Variants in ASPRV1 observed in about 807,000 individuals in gnomAD.
The protein encoded by ASPRV1 is retroviral-like aspartic protease 1.
A neutral mutation model predicts 11.0 loss-of-function variants in ASPRV1; 7 were observed. That is an observed-to-expected ratio of 0.64 (90% confidence interval 0.36 to 1.20). The LOEUF is 1.20. ASPRV1 is among the 50% of genes most tolerant of loss of function. ASPRV1 has a pLI of 0.02. For missense variants in ASPRV1, 299 were observed against 320.0 expected, an observed-to-expected ratio of 0.93 and a Z score of 0.50; for synonymous variants, 136 against 138.4, an observed-to-expected ratio of 0.98 and a Z score of 0.12.
At chr2:69,971,382 C>G in the ASPRV1 span, 1 of 152,016 alleles carries the variant, frequency 6.6e-6, no homozygotes, top group Non-Finnish European at 1.5e-5. Context: ...TGATCCCCAC[C>G]CACCATTTGG....
At chr2:70,030,817 A>G in the ASPRV1 span, 1 of 152,210 alleles carries the variant, frequency 6.6e-6, no homozygotes, top group African/African-American at 2.4e-5. Context: ...CCTAACCCCA[A>G]TAATCAAGGA....
chr2:70,082,258 G>A, the ASPRV1 span, among the ~76,000 whole-genome samples: 1 of 151,828 alleles, frequency 6.6e-6, no homozygotes. Flanking sequence ...CACAGTACTT[G>A]GCCAGTACGG....
At chr2:70,052,280 T>C in the ASPRV1 span, among the ~76,000 whole-genome samples, 15 of 152,136 alleles carry the variant, frequency 9.9e-5, no homozygotes, top group African/African-American at 3.4e-4. Flanking sequence ...TAGAGAATAA[T>C]AGCAGTATTA....
chr2:70,029,293 C>G, the ASPRV1 span, among the ~76,000 whole-genome samples: 1 of 152,066 alleles, frequency 6.6e-6, no homozygotes, highest in African/African-American at 2.4e-5. Flanking sequence ...GACTACCATT[C>G]CAGCAAGAGA....
the ASPRV1 span, chr2:70,030,344 G>A: frequency 1.3e-5 from 2 of 152,336 alleles, no homozygotes; most frequent in Non-Finnish European, 2.9e-5. Context: ...AGTGCTGAAG[G>A]AGTGAGCTTC....
chr2:69,976,992 G>C, the ASPRV1 span, among the ~76,000 whole-genome samples: 1 of 152,048 alleles, frequency 6.6e-6, no homozygotes, highest in African/African-American at 2.4e-5. Flanking sequence ...AGGAGTTCGA[G>C]ACCAGCCTGG....
chr2:70,086,276 G>A, the ASPRV1 span: 1 of 152,190 alleles, frequency 6.6e-6, no homozygotes, highest in African/African-American at 2.4e-5. Flanking sequence ...TTGTGTTCAG[G>A]AAACATGGCG....
chr2:69,988,574 G>A, the ASPRV1 span: 1 of 341,242 alleles, frequency 2.9e-6, no homozygotes, highest in East Asian at 7.6e-5. Context: ...TTCAGTGTGG[G>A]AAGATGAAGA....
chr2:69,936,946 C>G, the ASPRV1 span: 1 of 545,252 alleles, frequency 1.8e-6, no homozygotes, highest in South Asian at 1.5e-5. Context: ...TGCCTGCAGT[C>G]TTTCTGATAC....
At chr2:70,073,863 G>C in the ASPRV1 span, among the ~76,000 whole-genome samples, 1 of 152,172 alleles carries the variant, frequency 6.6e-6, no homozygotes, top group South Asian at 2.1e-4. Context: ...GCCAGGTGCG[G>C]TGACTCACAC....
At chr2:69,991,114 A>G in the ASPRV1 span, among the ~76,000 whole-genome samples, 1 of 152,064 alleles carries the variant, frequency 6.6e-6, no homozygotes, top group African/African-American at 2.4e-5. Flanking sequence ...CTGCATCGTC[A>G]CCACTGCTCT....
At chr2:70,051,789 C>T in the ASPRV1 span, among the ~76,000 whole-genome samples, 2 of 151,940 alleles carry the variant, frequency 1.3e-5, no homozygotes. Flanking sequence ...GACTGGGCAA[C>T]ACATTGAGAC....
chr2:69,942,311 T>C, the ASPRV1 span: 1 of 152,204 alleles, frequency 6.6e-6, no homozygotes. Flanking sequence ...TGCTTTGCTT[T>C]CAAAGATAAC....
chr2:69,979,280 G>A, the ASPRV1 span, among the ~76,000 whole-genome samples: 7 of 152,188 alleles, frequency 4.6e-5, no homozygotes, highest in Admixed American at 2.6e-4. Context: ...TGATCCACCC[G>A]CCTCGGCCTC....
the ASPRV1 span, among the ~76,000 whole-genome samples, chr2:70,083,098 C>T: frequency 6.6e-6 from 1 of 152,074 alleles, no homozygotes; most frequent in Non-Finnish European, 1.5e-5. Flanking sequence ...GAGTTAGGAA[C>T]TTAAGGTAAA....
the ASPRV1 span, among the ~76,000 whole-genome samples, chr2:70,036,289 G>A: frequency 5.9e-5 from 9 of 152,182 alleles, no homozygotes; most frequent in South Asian, 1.9e-3. Flanking sequence ...CTCTTGAGCA[G>A]ATAGTGGTGA....
At chr2:70,007,960 C>T in the ASPRV1 span, among the ~76,000 whole-genome samples, 25 of 152,014 alleles carry the variant, frequency 1.6e-4, no homozygotes, top group Admixed American at 1.4e-3. Flanking sequence ...CTCAGTCTCC[C>T]GAGTAGCTGG....
chr2:69,961,553 C>T lies in ASPRV1; in HGVS notation c.-117G>A, dbSNP rs1340166021. 2 of 1,614,024 alleles carry T rather than the reference C, an allele frequency of 1.2e-6. No individual in the cohort carries two copies. The highest frequency in any genetic ancestry group is 1.7e-6 in the Non-Finnish European group (2 of 1,180,014). Reference sequence around the variant, plus strand: ...GCCTCTCGAAGCAGAGTGGGGATGACTTGCCCGGCCTTGGGCAAGCAGGAG... The same window carrying T: ...GCCTCTCGAAGCAGAGTGGGGATGATTTGCCCGGCCTTGGGCAAGCAGGAG... On this transcript the variant is annotated 5_prime_UTR_variant, in exon 1 of 1. Coordinates refer to ENST00000320256, the MANE Select transcript of ASPRV1 (RefSeq NM_152792.4).
chr2:69,980,769 A>G, the ASPRV1 span, among the ~76,000 whole-genome samples: 1 of 136,700 alleles, frequency 7.3e-6, no homozygotes, highest in Non-Finnish European at 1.5e-5. Context: ...AAATTATTTT[A>G]TTTTTTATTT....
Sources: allele counts gnomAD v4.1 joint callset (sites outside exome capture counted in the v4.1 genomes callset), GRCh38; gene constraint gnomAD v4.1.1; transcripts MANE v1.5; gene names NCBI Gene and HGNC (gene_info 2026-07-23, HGNC 2026-07-21).